Variants in KCNN2 observed in about 807,000 individuals in gnomAD.
KCNN2 encodes the protein small conductance calcium-activated potassium channel protein 2.
A neutral mutation model predicts 55.5 loss-of-function variants in KCNN2; 24 were observed. That is an observed-to-expected ratio of 0.43 (90% CI 0.31 to 0.61). The LOEUF is 0.61. KCNN2 is among the 20% of genes least tolerant of loss of function. KCNN2 has a pLI of 0.08. For missense variants in KCNN2, 754 were observed against 853.6 expected, an observed-to-expected ratio of 0.88 and a Z score of 1.45; for synonymous variants, 431 against 336.1, an observed-to-expected ratio of 1.28 and a Z score of -3.09.
At chr5:114,113,419 A>G (rs1237287177) in intron 1 of KCNN2, among the ~76,000 whole-genome samples, 1 of 152,070 alleles carries the variant, frequency 6.6e-6, no homozygotes, top group Non-Finnish European at 1.5e-5. Flanking sequence ...AGTCAAAGGT[A>G]GCTTAGGGGA....
intron 2 of KCNN2, among the ~76,000 whole-genome samples, chr5:114,371,592 G>C (rs561214276): frequency 2.0e-5 from 3 of 152,242 alleles, no homozygotes; most frequent in African/African-American, 7.2e-5. Context: ...AGCCGTTTCT[G>C]TGGAGTGGTT....
At chr5:114,369,342 G>T (rs951742852) in intron 2 of KCNN2, among the ~76,000 whole-genome samples, 2 of 152,146 alleles carry the variant, frequency 1.3e-5, no homozygotes, top group African/African-American at 4.8e-5. Flanking sequence ...TATCTAATCT[G>T]CCAGCAAATG....
intron 2 of KCNN2, among the ~76,000 whole-genome samples, chr5:114,365,368 A>G (rs927294880): frequency 6.6e-6 from 1 of 152,234 alleles, no homozygotes; most frequent in Admixed American, 6.5e-5. Flanking sequence ...ATTCAATACT[A>G]GTGATGGTTG....
chr5:114,180,035 G>T (rs1425276180), intron 1 of KCNN2, among the ~76,000 whole-genome samples: 1 of 152,144 alleles, frequency 6.6e-6, no homozygotes, highest in African/African-American at 2.4e-5. Context: ...TAGGTCAAGG[G>T]ATATTGGCCA....
At chr5:114,199,221 C>T (rs2112570283) in intron 1 of KCNN2, among the ~76,000 whole-genome samples, 1 of 152,126 alleles carries the variant, frequency 6.6e-6, no homozygotes. Context: ...TTTGATTTGT[C>T]TGATATAACT....
At chr5:114,483,163 G>A (rs375503627) in intron 5 of KCNN2, among the ~76,000 whole-genome samples, 3 of 151,672 alleles carry the variant, frequency 2.0e-5, no homozygotes, top group Non-Finnish European at 2.9e-5. Flanking sequence ...ATAATTAACC[G>A]TGAGTCGCAA....
chr5:114,202,107 C>A (rs1753684629), intron 1 of KCNN2, among the ~76,000 whole-genome samples: 1 of 152,104 alleles, frequency 6.6e-6, no homozygotes, highest in Non-Finnish European at 1.5e-5. Flanking sequence ...AGGAATGCAG[C>A]AGCTGCAGCC....
chr5:114,096,213 T>A lies in KCNN2; in HGVS notation c.-271+39713T>A, dbSNP rs78295770. 6.4e-3 allele frequency among the ~76,000 whole-genome samples: 978 copies of A among 152,264 alleles called. 13 individuals are homozygous for A. Among genetic ancestry groups the A allele is most frequent in the African/African-American group, 0.022 (913 of 41,554 alleles). Reference sequence around the variant, plus strand: ...TCAACTACTACCCAGCATGAGTACCTTTTCCTAAGGATTATTTTAACGTTT... The same window carrying A: ...TCAACTACTACCCAGCATGAGTACCATTTCCTAAGGATTATTTTAACGTTT... On this transcript the variant is annotated intron_variant, in intron 1 of 10. Transcript: ENST00000512097.
chr5:114,113,805 G>A (rs915851749), intron 1 of KCNN2, among the ~76,000 whole-genome samples: 1 of 152,012 alleles, frequency 6.6e-6, no homozygotes, highest in African/African-American at 2.4e-5. Context: ...CTTCTTCATG[G>A]CCAAAAACTT....
intron 1 of KCNN2, among the ~76,000 whole-genome samples, chr5:114,169,831 A>G (rs370811355): frequency 6.6e-6 from 1 of 152,162 alleles, no homozygotes; most frequent in Non-Finnish European, 1.5e-5. Context: ...AGAACTGAGT[A>G]TTTAATATGT....
chr5:114,232,192 T>C (rs2112605014), intron 2 of KCNN2, among the ~76,000 whole-genome samples: 1 of 151,054 alleles, frequency 6.6e-6, no homozygotes, highest in South Asian at 2.1e-4. Context: ...AGTAAATTAT[T>C]CAGGCAAGAG....
chr5:114,283,692 G>A (rs756286247), intron 2 of KCNN2, among the ~76,000 whole-genome samples: 1 of 152,184 alleles, frequency 6.6e-6, no homozygotes, highest in Non-Finnish European at 1.5e-5. Flanking sequence ...TTTGGAAGAA[G>A]CTTGAATGAC....
At chr5:114,423,119 C>T (rs1347587020) in intron 3 of KCNN2, among the ~76,000 whole-genome samples, 1 of 152,160 alleles carries the variant, frequency 6.6e-6, no homozygotes, top group Non-Finnish European at 1.5e-5. Flanking sequence ...TACTATACCA[C>T]TGATTCACAG....
intron 2 of KCNN2, among the ~76,000 whole-genome samples, chr5:114,370,165 C>G (rs1189366700): frequency 6.6e-6 from 1 of 152,048 alleles, no homozygotes; most frequent in African/African-American, 2.4e-5. Context: ...AGTATCCCAC[C>G]CAGCATGAGA....
In KCNN2 at chr5:114,097,669, G is replaced by A. The variant is rs139115606; in HGVS notation, c.-271+41169G>A. Among the ~76,000 whole-genome samples the A allele has an allele frequency of 1.4e-3, 213 of 152,284 alleles. 1 individual carries two copies. Among genetic ancestry groups the A allele is most frequent in the Admixed American group, 5.6e-3 (85 of 15,282 alleles). ...TTATTTTCTTCAGAGGGCAAACAAA[G>A]CATATAAAGTTCCCCATCCACTTAA... On this transcript the variant is annotated intron_variant, in intron 1 of 10. Coordinates refer to the KCNN2 transcript ENST00000512097.
chr5:114,164,895 T>C (rs571077218), intron 1 of KCNN2, among the ~76,000 whole-genome samples: 1 of 152,338 alleles, frequency 6.6e-6, no homozygotes, highest in Admixed American at 6.5e-5. Context: ...TGAGTGCTTA[T>C]ATGCCAAGTA....
chr5:114,114,270 C>A (rs1161611475), intron 1 of KCNN2, among the ~76,000 whole-genome samples: 2 of 152,050 alleles, frequency 1.3e-5, no homozygotes, highest in Non-Finnish European at 2.9e-5. Flanking sequence ...ACTCTTTTTC[C>A]CAGGCTGTAA....
At chr5:114,085,696 T>G (rs2974484) in intron 1 of KCNN2, among the ~76,000 whole-genome samples, 117,725 of 151,918 alleles carry the variant, frequency 0.77, 45,684 homozygotes, top group African/African-American at 0.84. Flanking sequence ...CGAGTGCACT[T>G]GAAAATAATT....
chr5:114,057,893 T>C (rs1750244719), intron 1 of KCNN2, among the ~76,000 whole-genome samples: 1 of 152,244 alleles, frequency 6.6e-6, no homozygotes, highest in Non-Finnish European at 1.5e-5. Context: ...TTAAAAAGTT[T>C]GGCAATATCA....
Sources: allele counts gnomAD v4.1 joint callset (sites outside exome capture counted in the v4.1 genomes callset), GRCh38; gene constraint gnomAD v4.1.1; transcripts MANE v1.5; gene names NCBI Gene and HGNC (gene_info 2026-07-23, HGNC 2026-07-21).